CFAP70: variants seen among roughly 807,000 people sequenced by gnomAD.
CFAP70 encodes the protein cilia and flagella associated protein 70.
Under a neutral mutation model 137.6 loss-of-function variants are expected in CFAP70, and 81 were observed. The ratio of observed to expected loss-of-function variants is 0.59; its 90% CI spans 0.49 to 0.71. CFAP70 has a LOEUF of 0.71. CFAP70 is among the 30% of genes least tolerant of loss of function. The probability of loss-of-function intolerance (pLI) is 0.00; values close to 1 mark genes in which losing one functional copy is unlikely to be tolerated. For synonymous variants in CFAP70, 382 were observed against 423.6 expected, an observed-to-expected ratio of 0.90 and a Z score of 1.20; for missense variants, 976 against 1,226.7, an observed-to-expected ratio of 0.80 and a Z score of 3.05.
At chr10:73,297,157 A>G in exon 15 of CFAP70, 5 of 1,613,132 alleles carry the variant, frequency 3.1e-6, no homozygotes, top group Non-Finnish European at 4.2e-6. Context: ...ATCTCTCACA[A>G]TCTTTACCAC....
At chr10:73,312,824 C>T (rs556628008) in intron 9 of CFAP70, among the ~76,000 whole-genome samples, 181 bp from the exon 11 acceptor site, 5 of 152,298 alleles carry the variant, frequency 3.3e-5, no homozygotes, top group African/African-American at 1.2e-4. Flanking sequence ...AAAACCACCA[C>T]AGAAAGTTAG....
At chr10:73,354,686 G>T in intron 2 of CFAP70, 48 bp downstream of exon 2, 1 of 1,520,634 alleles carries the variant, frequency 6.6e-7, no homozygotes, top group Non-Finnish European at 9.1e-7. Context: ...TCCTCCTGCA[G>T]GTACTCCCAA....
intron 4 of CFAP70, among the ~76,000 whole-genome samples, chr10:73,345,907 T>A (rs2053659484): frequency 6.7e-6 from 1 of 148,412 alleles, no homozygotes; most frequent in African/African-American, 2.5e-5. Flanking sequence ...TTTAATTTTA[T>A]TTTTTTTTTT....
intron 15 of CFAP70, 42 bp downstream of exon 16, chr10:73,297,000 C>T (rs1316550905): frequency 1.3e-6 from 2 of 1,595,206 alleles, no homozygotes; most frequent in Admixed American, 3.5e-5. Flanking sequence ...GACTCTGATG[C>T]TCTACAGAGA....
At chr10:73,310,124 G>A (rs1457764631) in intron 12 of CFAP70, 34 bp downstream of exon 13, 4 of 1,431,454 alleles carry the variant, frequency 2.8e-6, no homozygotes, top group South Asian at 1.2e-5. Context: ...TACCCAAATT[G>A]TACAAAACTA....
intron 12 of CFAP70, among the ~76,000 whole-genome samples, chr10:73,303,435 G>C (rs564917963): frequency 6.6e-6 from 1 of 151,414 alleles, no homozygotes; most frequent in Non-Finnish European, 1.5e-5. Flanking sequence ...AGCCAGGATG[G>C]TCTCGATCTT....
chr10:73,292,054 C>T (rs183900943), intron 16 of CFAP70, 40 bp from the exon 18 acceptor site: 1 of 1,608,548 alleles, frequency 6.2e-7, no homozygotes, highest in East Asian at 2.2e-5. Flanking sequence ...GATACTATGT[C>T]CTATTTTTAT....
At chr10:73,338,575 T>C (rs1361293225) in intron 6 of CFAP70, among the ~76,000 whole-genome samples, 1 of 151,652 alleles carries the variant, frequency 6.6e-6, no homozygotes, top group Non-Finnish European at 1.5e-5. Context: ...AGATTACAGA[T>C]GTGTGCCACT....
At chr10:73,328,790 A>G (rs2051752358) in intron 8 of CFAP70, among the ~76,000 whole-genome samples, 1 of 151,148 alleles carries the variant, frequency 6.6e-6, no homozygotes. Context: ...CCACAATGAG[A>G]TACCATCTCA....
At chr10:73,305,185 G>A (rs1218994533) in intron 12 of CFAP70, among the ~76,000 whole-genome samples, 1 of 152,194 alleles carries the variant, frequency 6.6e-6, no homozygotes, top group Non-Finnish European at 1.5e-5. Flanking sequence ...ACTCATCTCT[G>A]TTTCTCCTAA....
intron 6 of CFAP70, among the ~76,000 whole-genome samples, chr10:73,340,822 G>A (rs1302490129): frequency 3.3e-5 from 5 of 152,240 alleles, no homozygotes; most frequent in African/African-American, 1.2e-4. Context: ...CAGAGGCCAG[G>A]CAGCAGGAGC....
intron 3 of CFAP70, among the ~76,000 whole-genome samples, chr10:73,351,023 A>G (rs1336253878): frequency 1.4e-5 from 2 of 142,214 alleles, no homozygotes; most frequent in African/African-American, 2.6e-5. Flanking sequence ...GTGTGTATAT[A>G]TATGTGTATA....
intron 6 of CFAP70, among the ~76,000 whole-genome samples, chr10:73,340,645 G>A (rs1404274808): frequency 1.3e-5 from 2 of 152,186 alleles, no homozygotes; most frequent in Middle Eastern, 3.2e-3. Flanking sequence ...GTGGCCCCTC[G>A]GACTTTCTCC....
At chr10:73,253,926 G>C in exon 27 of CFAP70, 1 of 1,456,654 alleles carries the variant, frequency 6.9e-7, no homozygotes. Flanking sequence ...TCTCTGGGAA[G>C]GAAAGGAACT....
chr10:73,356,867 T>A (rs1250362789), intron 1 of CFAP70, among the ~76,000 whole-genome samples: 3 of 152,336 alleles, frequency 2.0e-5, no homozygotes, highest in South Asian at 2.1e-4. Context: ...AGTTTCTCAC[T>A]CTAATTCATC....
At chr10:73,345,394 A>G in intron 4 of CFAP70, 150 bp from the exon 6 acceptor site, 1 of 729,130 alleles carries the variant, frequency 1.4e-6, no homozygotes, top group East Asian at 2.7e-5. Context: ...TCTAAGTCCC[A>G]TGAGTTGGAG....
chr10:73,316,749 A>G (rs2050422122), intron 9 of CFAP70, among the ~76,000 whole-genome samples: 1 of 151,934 alleles, frequency 6.6e-6, no homozygotes, highest in Non-Finnish European at 1.5e-5. Context: ...TATCATATAA[A>G]TTAAATCTAT....
chr10:73,277,493 T>C (rs903239324), intron 20 of CFAP70, 132 bp from the exon 22 acceptor site: 2 of 912,218 alleles, frequency 2.2e-6, no homozygotes, highest in Admixed American at 5.6e-5. Flanking sequence ...GGCAGGCAGA[T>C]CACGAGGTCA....
At chr10:73,346,303 T>G (rs2053700927) in intron 4 of CFAP70, among the ~76,000 whole-genome samples, 1 of 152,238 alleles carries the variant, frequency 6.6e-6, no homozygotes, top group Admixed American at 6.5e-5. Flanking sequence ...TGTATACCTC[T>G]GACATTTTCA....
Sources: gnomAD v4.1 joint callset for allele counts (sites outside exome capture counted in the v4.1 genomes callset) on GRCh38, gnomAD v4.1.1 for gene constraint, MANE v1.5 for transcripts, NCBI Gene and HGNC (gene_info 2026-07-23, HGNC 2026-07-21) for gene names.